The following SCGB1D1 variants were observed in gnomAD, a reference collection of about 807,000 sequenced individuals.
The protein encoded by SCGB1D1 is lipophilin A (uteroglobin family member).
Under a neutral mutation model 8.3 loss-of-function variants are expected in SCGB1D1, and 10 were observed. That is an observed-to-expected ratio of 1.21 (90% CI 0.74 to 2.05). The LOEUF (loss-of-function observed/expected upper bound fraction) is 2.05, where lower values mean the gene tolerates loss of function less well. SCGB1D1 is among the 30% of genes most tolerant of loss of function. The pLI is 0.00. For synonymous variants in SCGB1D1, 46 were observed against 41.7 expected (o/e 1.10, Z -0.39); for missense variants, 94 against 105.1 (o/e 0.89, Z 0.46).
Position 62,192,364 on chromosome 11 carries a change from C to CG in SCGB1D1, c.243+122dup. 7 of 847,392 alleles carry CG rather than the reference C, an allele frequency of 8.3e-6. No individual in the cohort carries two copies. The South Asian group carries it at 1.3e-4, about 16-fold the overall frequency. The allele number at this position is 847,392 out of a possible 1,614,324, so 52.5% of individuals were successfully genotyped here. On this transcript the variant is annotated intron_variant, in intron 2 of 2. Transcript: ENST00000306238. ...GTGGGGCACCTGCCTTACTGGTCAC[C>CG]GCTTGAGAAGGTCACCTGGGACCAC...
chr11:62,191,976 C>T (rs1944681048), intron 1 of SCGB1D1, 80 bp from the exon 2 acceptor site: 1 of 1,283,552 alleles, frequency 7.8e-7, no homozygotes, highest in Non-Finnish European at 1.1e-6. Flanking sequence ...CCTGGGGTTC[C>T]TGTCTGGTCT....
chr11:62,191,390 T>C (rs929955042), intron 1 of SCGB1D1, among the ~76,000 whole-genome samples: 1 of 152,192 alleles, frequency 6.6e-6, no homozygotes, highest in Admixed American at 6.5e-5. Flanking sequence ...AGTTCCCTCC[T>C]CTCATCCTCT....
At position 62,190,684 on chromosome 11, in the gene SCGB1D1, C is replaced by T. The variant is rs116776461; in HGVS notation, c.55+345C>T. ...CCGTGGGCAAGATGCTCACCCTCCC[C>T]GCGCCTCCTCCTATCTCTGGTGCTT... On this transcript the variant is annotated intron_variant, in intron 1 of 2. Transcript: ENST00000306238. 4.7e-3 allele frequency among the ~76,000 whole-genome samples: 721 copies of T among 152,234 alleles called. 8 individuals are homozygous for T. Among genetic ancestry groups the T allele is most frequent in the African/African-American group, 0.017 (692 of 41,526 alleles).
chr11:62,192,003 G>GGGAGAAACACTGATTTCCTTACACA (rs1369593980), intron 1 of SCGB1D1, 53 bp from the exon 2 acceptor site: 1 of 1,493,280 alleles, frequency 6.7e-7, no homozygotes, highest in African/African-American at 1.4e-5. Flanking sequence ...AGGGAGGCAT[G>GGGAGAAACACTGATTTCCTTACACA]GGAGAAACAC....
chr11:62,193,356 G>T (rs748460592), intron 2 of SCGB1D1, 43 bp from the exon 3 acceptor site: 1 of 1,594,754 alleles, frequency 6.3e-7, no homozygotes, highest in Non-Finnish European at 8.6e-7. Context: ...TCCAGGAGCT[G>T]CATGACCGAC....
intron 2 of SCGB1D1, among the ~76,000 whole-genome samples, chr11:62,192,732 A>G (rs895225948): frequency 6.6e-6 from 1 of 152,260 alleles, no homozygotes; most frequent in South Asian, 2.1e-4. Flanking sequence ...CTTCTGCAGA[A>G]CCAGGAAGGA....
rs1208743979 is a variant in SCGB1D1 at position 62,192,096 on chromosome 11, A to G, written c.96A>G (p.Thr32=). 1 of 1,612,210 alleles carries G rather than the reference A, an allele frequency of 6.2e-7. No homozygotes were observed. Among genetic ancestry groups the G allele is most frequent in the Non-Finnish European group, 8.5e-7 (1 of 1,178,504 alleles). ...VVCQALGSEI[T]GFLLAGKPVF... is the part of the protein sequence containing the mutation. ...GCCAAGCTCTTGGTTCTGAAATCAC[A>G]GGCTTCTTATTAGCTGGAAAACCTG... is the stretch of plus-strand genomic sequence containing the variant. Residue 32 remains threonine (T), a synonymous_variant, in exon 2 of 3, where the codon ACA becomes ACG. Coordinates refer to ENST00000306238, the MANE Select transcript of SCGB1D1 (RefSeq NM_006552.2).
rs1944681074 is a variant in SCGB1D1 at position 62,191,977 on chromosome 11, T to A, written c.56-79T>A. The A allele has an allele frequency of 5.4e-6, 7 of 1,297,298 alleles. No homozygotes were observed. In the East Asian group the frequency reaches 1.7e-4, roughly 32 times the overall value. The allele number at this position is 1,297,298 out of a possible 1,614,324, so 80.4% of individuals were successfully genotyped here. ...TAGAAGCCTAAAACCCTGGGGTTCC[T>A]GTCTGGTCTGACATCAGGGAGGCAT... On this transcript the variant is annotated intron_variant, in intron 1 of 2. Coordinates refer to ENST00000306238, the MANE Select transcript of SCGB1D1 (RefSeq NM_006552.2).
rs200584919 is a variant in SCGB1D1 at position 62,192,054 on chromosome 11, A to G, written c.56-2A>G. 21 of 1,588,290 alleles carry G rather than the reference A, an allele frequency of 1.3e-5. No homozygotes were observed. The highest frequency in any genetic ancestry group is 1.8e-5 in the Non-Finnish European group (21 of 1,163,998). On this transcript the variant is annotated splice_acceptor_variant, in intron 1 of 2. Transcript: ENST00000306238. LOFTEE classifies it high-confidence loss of function. ...AATTATATTTTTATTCTTTTGCTCCAGCAAATGCAGTGGTCTGCCAAGCTC... is the reference window on the plus strand; with the variant it reads ...AATTATATTTTTATTCTTTTGCTCCGGCAAATGCAGTGGTCTGCCAAGCTC...
chr11:62,190,517 T>C (rs1944670459), intron 1 of SCGB1D1, among the ~76,000 whole-genome samples, 178 bp downstream of exon 1: 1 of 152,174 alleles, frequency 6.6e-6, no homozygotes, highest in Admixed American at 6.5e-5. Flanking sequence ...AAATCCCCAG[T>C]ACCTAGGAAG....
At chr11:62,193,317 A>G (rs1944694041) in intron 2 of SCGB1D1, 82 bp from the exon 3 acceptor site, 1 of 1,301,478 alleles carries the variant, frequency 7.7e-7, no homozygotes. Context: ...GCAGAATTCC[A>G]TCGGCCACTT....
rs116406253 is a variant in SCGB1D1 at position 62,191,371 on chromosome 11, A to C, written c.56-685A>C. 3.0e-3 allele frequency among the ~76,000 whole-genome samples: 456 copies of C among 152,346 alleles called. 4 individuals carry two copies. The highest frequency in any genetic ancestry group is 0.01 in the African/African-American group (435 of 41,582). On this transcript the variant is annotated intron_variant, in intron 1 of 2. Transcript: ENST00000306238. ...TCCAAAATTCCCAGTGGGAGCAGGA[A>C]TGAGCCTCAGTTCCCTCCTCTCATC... is the stretch of plus-strand genomic sequence containing the variant.
chr11:62,190,491 C>G, intron 1 of SCGB1D1, 152 bp downstream of exon 1: 2 of 913,262 alleles, frequency 2.2e-6, no homozygotes, highest in Admixed American at 2.5e-5. Flanking sequence ...TCATAAAGCT[C>G]GGGCCTCATT....
chr11:62,190,336 C>A lies in SCGB1D1; in HGVS notation c.52C>A (p.Arg18=), dbSNP rs553664796. 6.2e-7 allele frequency: 1 copy of A among 1,614,146 alleles called. No individual in the cohort carries two copies. Among genetic ancestry groups the A allele is most frequent in the Non-Finnish European group, 8.5e-7 (1 of 1,179,992 alleles). ...GCTCACGCTGGCCCTTTGCTGCTAC[C>A]GGGGTGAGTACATCAGTCATGAGTC... The part of the protein sequence containing the change: ...LLLTLALCCY[R]ANAVVCQALG... Residue 18 remains arginine, a synonymous_variant, in exon 1 of 3, where the codon CGG becomes AGG. Coordinates refer to ENST00000306238, the MANE Select transcript of SCGB1D1 (RefSeq NM_006552.2).
At chr11:62,191,985 C>CT in intron 1 of SCGB1D1, 71 bp from the exon 2 acceptor site, 1 of 1,372,880 alleles carries the variant, frequency 7.3e-7, no homozygotes, top group Non-Finnish European at 9.9e-7. Flanking sequence ...CCTGTCTGGT[C>CT]TGACATCAGG....
chr11:62,190,824 A>G (rs549734889), intron 1 of SCGB1D1, among the ~76,000 whole-genome samples: 18 of 152,324 alleles, frequency 1.2e-4, no homozygotes, highest in Non-Finnish European at 2.4e-4. Context: ...CCAGACCTTT[A>G]GGTGCCAATT....
In SCGB1D1 at chr11:62,193,519, T is replaced by C. The variant is rs1473986268; in HGVS notation, c.*91T>C. The C allele has an allele frequency of 8.7e-7, 1 of 1,143,856 alleles. No individual in the cohort carries two copies. Among genetic ancestry groups the C allele is most frequent in the East Asian group, 2.4e-5 (1 of 40,878 alleles). The allele number at this position is 1,143,856 out of a possible 1,614,324, so 70.9% of individuals were successfully genotyped here. A position where few individuals can be genotyped will look rare whatever the true frequency, so the allele number is the denominator to read the frequency against. ...ATGTAAAGGTTTCAACGTCTTGCTC[T>C]AATAAATCACTTGCCCTGAACTTCT... On this transcript the variant is annotated 3_prime_UTR_variant, in exon 3 of 3. Coordinates refer to ENST00000306238, the MANE Select transcript of SCGB1D1 (RefSeq NM_006552.2).
intron 1 of SCGB1D1, among the ~76,000 whole-genome samples, chr11:62,191,704 T>C (rs1944679075): frequency 6.6e-6 from 1 of 152,206 alleles, no homozygotes; most frequent in Non-Finnish European, 1.5e-5. Flanking sequence ...TCTTCACCAA[T>C]GTCCAAGACT....
chr11:62,193,349 A>ATGTC lies in SCGB1D1; in HGVS notation c.244-50_244-49insTGTC, dbSNP rs753978316. On this transcript the variant is annotated intron_variant, in intron 2 of 2. Transcript: ENST00000306238. The stretch of plus-strand genomic sequence containing the variant: ...ACTTGGATGTTAACCTGTTGTCTCC[A>ATGTC]GGAGCTGCATGACCGACCTCACCTT... The ATGTC allele has an allele frequency of 2.6e-6, 4 of 1,565,970 alleles. No homozygotes were observed. In the East Asian group the frequency reaches 9.0e-5, roughly 35 times the overall value.
Sources: allele counts gnomAD v4.1 joint callset (sites outside exome capture counted in the v4.1 genomes callset), GRCh38; gene constraint gnomAD v4.1.1; transcripts MANE v1.5; gene names NCBI Gene and HGNC (gene_info 2026-07-23, HGNC 2026-07-21).